PSTPIP2: variants seen among roughly 807,000 people sequenced by gnomAD.
PSTPIP2 encodes proline-serine-threonine phosphatase-interacting protein 2.
PSTPIP2 carries 33 observed loss-of-function variants against 63.3 expected under a neutral mutation model. That is an observed-to-expected ratio of 0.52 (90% CI 0.40 to 0.70). PSTPIP2 has a LOEUF of 0.70. PSTPIP2 is among the 30% of genes least tolerant of loss of function. The pLI is 0.00. For missense variants in PSTPIP2, 312 were observed against 400.7 expected (o/e 0.78, Z 1.89); for synonymous variants, 125 against 132.7 (o/e 0.94, Z 0.40).
rs1342450026 is a variant in PSTPIP2, at chr18:46,018,282, T to G, written c.213-2345A>C. Reference sequence around the variant, plus strand: ...ATTCTTCAGACCACTCTGATGAAATTTGGTACTTTGGAGCTCCAAATCTGC... The same window carrying G: ...ATTCTTCAGACCACTCTGATGAAATGTGGTACTTTGGAGCTCCAAATCTGC... On this transcript the variant is annotated intron_variant, in intron 3 of 14. Coordinates refer to ENST00000409746, the MANE Select transcript of PSTPIP2 (RefSeq NM_024430.4). 2.0e-5 allele frequency among the ~76,000 whole-genome samples: 3 copies of G among 152,194 alleles called. No individual in the cohort carries two copies. The East Asian group carries it at 5.8e-4, about 29-fold the overall frequency.
rs534424667 is a variant in PSTPIP2 at position 45,988,352 on chromosome 18, T to G, written c.*8+350A>C. On this transcript the variant is annotated intron_variant, in intron 14 of 14. Coordinates refer to ENST00000409746, the MANE Select transcript of PSTPIP2 (RefSeq NM_024430.4). ...CAAGAGGCTGAGGTGGGAAGATCAC[T>G]TGAACCCAGGATGTGGAGATTGCAG... Among the ~76,000 whole-genome samples the G allele has an allele frequency of 2.7e-5, 4 of 148,856 alleles. No homozygotes were observed. The South Asian group carries it at 8.3e-4, about 31-fold the overall frequency.
chr18:45,993,539 T>C, intron 10 of PSTPIP2, 66 bp downstream of exon 10: 1 of 1,453,456 alleles, frequency 6.9e-7, no homozygotes, highest in South Asian at 1.2e-5. Flanking sequence ...TCAATATCTA[T>C]AGTTCCTTCT....
At chr18:46,015,671 A>C (rs542428840) in intron 4 of PSTPIP2, among the ~76,000 whole-genome samples, 1 of 152,228 alleles carries the variant, frequency 6.6e-6, no homozygotes, top group East Asian at 1.9e-4. Context: ...TCTGATGCTC[A>C]TGCAAGTGTG....
At chr18:46,027,404 G>A (rs555939013) in intron 2 of PSTPIP2, among the ~76,000 whole-genome samples, 4 of 151,642 alleles carry the variant, frequency 2.6e-5, no homozygotes, top group Non-Finnish European at 4.4e-5. Flanking sequence ...TTTAAAAATA[G>A]CTTGGACTGG....
intron 8 of PSTPIP2, among the ~76,000 whole-genome samples, chr18:45,998,372 G>T (rs1234832798): frequency 2.0e-5 from 3 of 152,214 alleles, no homozygotes; most frequent in Non-Finnish European, 2.9e-5. Flanking sequence ...TTGCAGCTTG[G>T]CTGTTTCACA....
intron 5 of PSTPIP2, among the ~76,000 whole-genome samples, chr18:46,008,471 C>T (rs1879759517): frequency 6.9e-6 from 1 of 145,930 alleles, no homozygotes; most frequent in South Asian, 2.1e-4. Context: ...GTGACCACAC[C>T]TGGCTAATTT....
At chr18:46,048,264 C>T (rs1350533604) in intron 1 of PSTPIP2, among the ~76,000 whole-genome samples, 1 of 152,194 alleles carries the variant, frequency 6.6e-6, no homozygotes, top group Non-Finnish European at 1.5e-5. Flanking sequence ...GCAGTGAGTA[C>T]AGGCAATCTC....
intron 1 of PSTPIP2, among the ~76,000 whole-genome samples, chr18:46,043,224 TAAAAAAAAAAA>T (rs34454812): frequency 1.3e-5 from 1 of 77,316 alleles, no homozygotes. Flanking sequence ...CACCTCTCCT[TAAAAAAAAAAA>T]AAAAAAAAAA....
chr18:46,026,748 G>A (rs1331871434), intron 2 of PSTPIP2, among the ~76,000 whole-genome samples: 1 of 152,140 alleles, frequency 6.6e-6, no homozygotes, highest in Non-Finnish European at 1.5e-5. Flanking sequence ...ATAAACGGGT[G>A]TGGTGGTGCA....
At chr18:46,013,980 C>T (rs1267138726) in intron 4 of PSTPIP2, among the ~76,000 whole-genome samples, 2 of 152,092 alleles carry the variant, frequency 1.3e-5, no homozygotes, top group Non-Finnish European at 2.9e-5. Flanking sequence ...GGAACTACCT[C>T]CCACTGGGTT....
In PSTPIP2 at chr18:46,072,142, GC is replaced by G. The variant is rs2144144551; in HGVS notation, c.33+13del. The stretch of plus-strand genomic sequence containing the variant: ...TCCTGAGCCCCGCGATCCGCTGTCG[GC>G]CCCACGACTTACCCAAAAGTTTCCC... On this transcript the variant is annotated intron_variant, in intron 1 of 14. Transcript: ENST00000409746. The G allele has an allele frequency of 6.5e-7, 1 of 1,533,906 alleles. No individual in the cohort carries two copies. The highest frequency in any genetic ancestry group is 1.2e-5 in the South Asian group (1 of 81,840).
chr18:46,023,434 C>T (rs1336991825), intron 3 of PSTPIP2, among the ~76,000 whole-genome samples: 1 of 152,042 alleles, frequency 6.6e-6, no homozygotes, highest in African/African-American at 2.4e-5. Flanking sequence ...AGGCGCATGC[C>T]TGTAATCCCA....
rs73953967 is a variant in PSTPIP2, at chr18:46,042,846, G to A, written c.34-2799C>T. Among the ~76,000 whole-genome samples, 1,067 of 152,208 alleles carry A rather than the reference G, an allele frequency of 7.0e-3. 12 individuals carry two copies. The highest frequency in any genetic ancestry group is 0.025 in the African/African-American group (1,024 of 41,508). ...TCAACTTACCACCTGTGTTCTCTGAGTAACATACACAGGAGTTTCCAGACA... is the reference window on the plus strand; with the variant it reads ...TCAACTTACCACCTGTGTTCTCTGAATAACATACACAGGAGTTTCCAGACA... On this transcript the variant is annotated intron_variant, in intron 1 of 14. Transcript: ENST00000409746.
intron 5 of PSTPIP2, among the ~76,000 whole-genome samples, chr18:46,006,553 T>C (rs571328389): frequency 5.7e-4 from 86 of 151,066 alleles, no homozygotes; most frequent in Admixed American, 5.4e-3. Context: ...TTTTTGTATT[T>C]TGAGTAGAGA....
intron 1 of PSTPIP2, among the ~76,000 whole-genome samples, chr18:46,061,291 G>A (rs1469837994): frequency 6.7e-6 from 1 of 148,872 alleles, no homozygotes; most frequent in Non-Finnish European, 1.5e-5. Flanking sequence ...TCAACGGAGC[G>A]AGACTCCATT....
At chr18:46,027,899 G>A (rs548087152) in intron 2 of PSTPIP2, among the ~76,000 whole-genome samples, 1 of 152,210 alleles carries the variant, frequency 6.6e-6, no homozygotes, top group Admixed American at 6.5e-5. Flanking sequence ...GGTGGCTCAC[G>A]TCTGTAATCA....
In PSTPIP2 at chr18:46,058,816, CCCTCTGTGT is replaced by C. The variant is rs1226068189; in HGVS notation, c.33+13331_33+13339del. Among the ~76,000 whole-genome samples the C allele has an allele frequency of 2.6e-5, 4 of 152,264 alleles. No individual in the cohort carries two copies. In the East Asian group the frequency reaches 7.7e-4, roughly 29 times the overall value. On this transcript the variant is annotated intron_variant, in intron 1 of 14. Transcript: ENST00000409746. ...AGGTCCTGTCACCAGCGGGGTGGGA[CCCTCTGTGT>C]CCTCAAGGGAATGGTTGTGGCCTTG...
chr18:46,044,827 C>T (rs1014111889), intron 1 of PSTPIP2, among the ~76,000 whole-genome samples: 1 of 152,256 alleles, frequency 6.6e-6, no homozygotes, highest in South Asian at 2.1e-4. Context: ...AAACAAACAA[C>T]CCCATCAAAA....
chr18:46,037,939 T>C (rs1908042681), intron 2 of PSTPIP2, among the ~76,000 whole-genome samples: 2 of 152,260 alleles, frequency 1.3e-5, no homozygotes, highest in South Asian at 2.1e-4. Flanking sequence ...CCTACTCTTA[T>C]GTATTTTTGT....
Sources: gnomAD v4.1 joint callset for allele counts (sites outside exome capture counted in the v4.1 genomes callset) on GRCh38, gnomAD v4.1.1 for gene constraint, MANE v1.5 for transcripts, NCBI Gene and HGNC (gene_info 2026-07-23, HGNC 2026-07-21) for gene names.